The following PCDHGA9 variants were observed in gnomAD, a reference collection of about 807,000 sequenced individuals.
PCDHGA9 encodes the protein protocadherin gamma subfamily A, 9, also known as protocadherin gamma-A9.
Under a neutral mutation model 62.5 loss-of-function variants are expected in PCDHGA9, and 37 were observed. The observed-to-expected ratio is 0.59, with a 90% CI of 0.46 to 0.78. The LOEUF is 0.78. Among genes scored for constraint, PCDHGA9 ranks in the 30% least tolerant of loss-of-function variants. The probability of loss-of-function intolerance (pLI) is 0.00; values close to 1 mark genes in which losing one functional copy is unlikely to be tolerated. For synonymous variants in PCDHGA9, 459 were observed against 484.6 expected (o/e 0.95, Z 0.69); for missense variants, 1,138 against 1,166.2 (o/e 0.98, Z 0.35).
At chr5:141,412,903 G>C (rs2095586511) in intron 1 of PCDHGA9, 1 of 376,030 alleles carries the variant, frequency 2.7e-6, no homozygotes, top group African/African-American at 2.1e-5. Context: ...ACTTTCCATT[G>C]CATGTATCAC....
At chr5:141,419,152 G>A (rs2096335735) in intron 1 of PCDHGA9, 25 of 1,613,916 alleles carry the variant, frequency 1.5e-5, no homozygotes, top group East Asian at 4.5e-5. Context: ...GCAAGCCTCC[G>A]TTATCCTCCA....
rs1332209242 is a variant in PCDHGA9, at chr5:141,403,541, G to A, written c.589G>A (p.Glu197Lys). The part of the protein sequence containing the change: ...NGAINPELVL[E>K]RALDREEATA... ...AGCCATAAACCCAGAGCTGGTGCTG[G>A]AGCGCGCCCTGGACAGGGAGGAGGC... The change falls in exon 1 of 4, where the codon GAG becomes AAG. Residue 197 changes from glutamate (E) to lysine (K), a missense_variant. Glu to Lys is a moderately conservative substitution (Grantham distance 56). Transcript: ENST00000573521. The A allele has an allele frequency of 6.2e-7, 1 of 1,614,016 alleles. No homozygotes were observed.
chr5:141,489,913 A>G lies in PCDHGA9; in HGVS notation c.2425-4894A>G. 1 of 1,614,208 alleles carries G rather than the reference A, an allele frequency of 6.2e-7. No homozygotes were observed. Among genetic ancestry groups the G allele is most frequent in the Non-Finnish European group, 8.5e-7 (1 of 1,180,044 alleles). Reference sequence around the variant, plus strand: ...TGGGGGGACCCCAGCCCGCTCAGGGACCACCCTTATCTCTGTCATCGTGCT... The same window carrying G: ...TGGGGGGACCCCAGCCCGCTCAGGGGCCACCCTTATCTCTGTCATCGTGCT... On this transcript the variant is annotated intron_variant, in intron 1 of 3. Transcript: ENST00000573521. The surrounding 1 kb of genome is among the most constrained non-coding windows in gnomAD (Gnocchi z 4.5).
chr5:141,450,278 G>A (rs977381598), intron 1 of PCDHGA9, among the ~76,000 whole-genome samples: 1 of 152,026 alleles, frequency 6.6e-6, no homozygotes, highest in Non-Finnish European at 1.5e-5. Flanking sequence ...TCAGCTAAGT[G>A]CTGGGATTAC....
At position 141,487,385 on chromosome 5, in the gene PCDHGA9, CGAA is replaced by C; in HGVS notation, c.2425-7420_2425-7418del. 6.2e-7 allele frequency: 1 copy of C among 1,614,160 alleles called. No individual in the cohort carries two copies. The highest frequency in any genetic ancestry group is 8.5e-7 in the Non-Finnish European group (1 of 1,180,046). On this transcript the variant is annotated intron_variant, in intron 1 of 3. Coordinates refer to ENST00000573521, the MANE Select transcript of PCDHGA9 (RefSeq NM_018921.3). The surrounding 1 kb of genome is among the most constrained non-coding windows in gnomAD (Gnocchi z 5.0). ...CACCTGTGCCTGTCTCACCAGATCTCGAAGGAGGGAGGGGCTTCCCCCTTCCAA... is the reference window on the plus strand; with the variant it reads ...CACCTGTGCCTGTCTCACCAGATCTCGGAGGGAGGGGCTTCCCCCTTCCAA...
chr5:141,418,351 G>A, intron 1 of PCDHGA9: 1 of 1,614,026 alleles, frequency 6.2e-7, no homozygotes, highest in Non-Finnish European at 8.5e-7. Flanking sequence ...ATATTAGTAT[G>A]AATTCGCTGA....
Position 141,491,670 on chromosome 5 carries a change from C to T in PCDHGA9, c.2425-3137C>T. The T allele has an allele frequency of 2.5e-6, 4 of 1,613,768 alleles. No individual in the cohort carries two copies. Among genetic ancestry groups the T allele is most frequent in the South Asian group, 1.1e-5 (1 of 91,082 alleles). On this transcript the variant is annotated intron_variant, in intron 1 of 3. Coordinates refer to ENST00000573521, the MANE Select transcript of PCDHGA9 (RefSeq NM_018921.3). The surrounding 1 kb of genome is among the most constrained non-coding windows in gnomAD (Gnocchi z 6.9). ...CGCTGGAGCCTGACGCCATCCGGTC[C>T]CGCTCTAATACGCTGCGGGAGCGGA...
intron 1 of PCDHGA9, among the ~76,000 whole-genome samples, chr5:141,474,227 G>A (rs1394834744): frequency 6.6e-6 from 1 of 152,190 alleles, no homozygotes; most frequent in Non-Finnish European, 1.5e-5. Flanking sequence ...TGTGAATTAA[G>A]TGATGCTGAA....
chr5:141,429,395 A>T (rs545207705), intron 1 of PCDHGA9, among the ~76,000 whole-genome samples: 166 of 152,126 alleles, frequency 1.1e-3, no homozygotes, highest in African/African-American at 3.8e-3. Flanking sequence ...TTTAAAAAAA[A>T]TTGAGATTAA....
intron 2 of PCDHGA9, among the ~76,000 whole-genome samples, chr5:141,500,138 ACTTTT>A: frequency 6.6e-6 from 1 of 150,560 alleles, no homozygotes; most frequent in Middle Eastern, 3.2e-3. Flanking sequence ...ATCTTTCTAA[ACTTTT>A]CTTTGTGTAA....
intron 1 of PCDHGA9, among the ~76,000 whole-genome samples, chr5:141,442,717 C>T (rs918238654): frequency 1.3e-5 from 2 of 152,166 alleles, no homozygotes; most frequent in African/African-American, 2.4e-5. Flanking sequence ...CATGCCAGAG[C>T]ATTTGGGGCC....
At chr5:141,438,591 CATATATATATATATATAT>C (rs946798767) in intron 1 of PCDHGA9, among the ~76,000 whole-genome samples, 2 of 75,562 alleles carry the variant, frequency 2.6e-5, no homozygotes, top group Non-Finnish European at 5.4e-5. Context: ...TACATACATA[CATATATATATATATATAT>C]ATATATATAT....
chr5:141,506,435 G>T (rs1470687416), intron 3 of PCDHGA9, among the ~76,000 whole-genome samples: 1 of 126,234 alleles, frequency 7.9e-6, no homozygotes, highest in Non-Finnish European at 1.6e-5. Context: ...CAACAGTCTC[G>T]CTCTGTCTCA....
chr5:141,404,061 A>G lies in PCDHGA9; in HGVS notation c.1109A>G (p.Asn370Ser), dbSNP rs375910829. ...CAGGGAACAGTAATTCTTCTTTTCA[A>G]TGCTCATGACCGAGACTCCGGGAAG... ...APQGTVILLFNAHDRDSGKNG... is the reference protein window; with the variant it reads ...APQGTVILLFSAHDRDSGKNG... The change falls in exon 1 of 4, where the codon AAT (asparagine) becomes AGT (serine). Residue 370 changes from asparagine (N) to serine (S), a missense_variant. Coordinates refer to ENST00000573521, the MANE Select transcript of PCDHGA9 (RefSeq NM_018921.3). 9.9e-6 allele frequency: 16 copies of G among 1,613,906 alleles called. No homozygotes were observed. The highest frequency in any genetic ancestry group is 4.0e-5 in the African/African-American group (3 of 75,054).
chr5:141,487,442 G>A lies in PCDHGA9; in HGVS notation c.2425-7365G>A, dbSNP rs749842864. 1 of 1,613,918 alleles carries A rather than the reference G, an allele frequency of 6.2e-7. No homozygotes were observed. Among genetic ancestry groups the A allele is most frequent in the Non-Finnish European group, 8.5e-7 (1 of 1,179,798 alleles). On this transcript the variant is annotated intron_variant, in intron 1 of 3. Coordinates refer to ENST00000573521, the MANE Select transcript of PCDHGA9 (RefSeq NM_018921.3). The surrounding 1 kb of genome is among the most constrained non-coding windows in gnomAD (Gnocchi z 5.0). ...GATCCTCCGAATCCAGCTAGGGTCA[G>A]ATGACCCTATCAAGTTTGTTGATGT...
In PCDHGA9 at chr5:141,512,739, T is replaced by C. The variant is rs1251649814; in HGVS notation, c.*1566T>C. The stretch of plus-strand genomic sequence containing the variant: ...GGCGGGTGGGCAGCGGGCGGCGGGC[T>C]CCGCGCAGCCGTCTGTCCTTGATCT... On this transcript the variant is annotated 3_prime_UTR_variant, in exon 4 of 4. Transcript: ENST00000573521. 1 of 152,822 alleles carries C rather than the reference T, an allele frequency of 6.5e-6. No individual in the cohort carries two copies. The highest frequency in any genetic ancestry group is 2.4e-5 in the African/African-American group (1 of 41,464). 9.5% of individuals were successfully genotyped at this position (152,822 alleles called of 1,614,324 possible).
intron 1 of PCDHGA9, chr5:141,427,502 G>A (rs1276688816): frequency 1.7e-6 from 1 of 576,718 alleles, no homozygotes; most frequent in East Asian, 4.0e-5. Flanking sequence ...TAACAGATGG[G>A]ACCCTGGATT....
At chr5:141,481,357 G>A (rs1399668487) in intron 1 of PCDHGA9, among the ~76,000 whole-genome samples, 1 of 152,176 alleles carries the variant, frequency 6.6e-6, no homozygotes, top group Non-Finnish European at 1.5e-5. Context: ...ATCTACAGCT[G>A]TTCAATAGAT....
chr5:141,476,083 T>C lies in PCDHGA9; in HGVS notation c.2425-18724T>C. 1 of 1,547,886 alleles carries C rather than the reference T, an allele frequency of 6.5e-7. No homozygotes were observed. The highest frequency in any genetic ancestry group is 8.7e-7 in the Non-Finnish European group (1 of 1,153,242). The stretch of plus-strand genomic sequence containing the variant: ...TCTCAGCGAAATCTCAGGGACGATC[T>C]GGACCCCGCTGAGAGGAACTGCTTT... On this transcript the variant is annotated intron_variant, in intron 1 of 3. Coordinates refer to ENST00000573521, the MANE Select transcript of PCDHGA9 (RefSeq NM_018921.3). This position sits in a 1 kb window ranked among gnomAD's most constrained non-coding sequence, Gnocchi z 7.6.
Sources: gnomAD v4.1 joint callset for allele counts (sites outside exome capture counted in the v4.1 genomes callset) on GRCh38, gnomAD v4.1.1 for gene constraint, Gnocchi (gnomAD v3.1) non-coding constraint, MANE v1.5 for transcripts, NCBI Gene and HGNC (gene_info 2026-07-23, HGNC 2026-07-21) for gene names.